Variants in CKMT1B observed in about 807,000 individuals in gnomAD.
CKMT1B encodes creatine kinase U-type, mitochondrial.
Under a neutral mutation model 21.8 loss-of-function variants are expected in CKMT1B, and 13 were observed. That is an observed-to-expected ratio of 0.60 (90% CI 0.39 to 0.95). The LOEUF is 0.95. CKMT1B is among the 40% of genes least tolerant of loss of function. The pLI is 0.00. For missense variants in CKMT1B, 157 were observed against 227.5 expected, an observed-to-expected ratio of 0.69 and a Z score of 1.99; for synonymous variants, 50 against 80.3, an observed-to-expected ratio of 0.62 and a Z score of 2.02.
intron 6 of CKMT1B, chr15:43,597,594 A>T: frequency 1.0e-6 from 1 of 979,774 alleles, no homozygotes; most frequent in Non-Finnish European, 1.3e-6. Flanking sequence ...ATTCTGCTAG[A>T]TCCCTTGTCT....
At chr15:43,597,673 T>G (rs1235935325) in intron 6 of CKMT1B, 1 of 948,112 alleles carries the variant, frequency 1.1e-6, no homozygotes, top group Non-Finnish European at 1.3e-6. Context: ...CCCCGCCCCC[T>G]ATTCCTATGA....
Position 43,598,195 on chromosome 15 carries a change from G to T in CKMT1B, c.879G>T (p.Val293=). The T allele has an allele frequency of 1.2e-6, 2 of 1,608,882 alleles. No homozygotes were observed. Among genetic ancestry groups the T allele is most frequent in the Non-Finnish European group, 1.7e-6 (2 of 1,179,704 alleles). ...FERFCRGLKE[V]ERLIQERGWE... is the part of the protein sequence containing the mutation. ...TAACAAAACCTTTGTGGACTCAGGT[G>T]GAGAGACTTATCCAAGAACGTGGCT... The change falls in exon 7 of 9, where the codon GTG becomes GTT. Residue 293 remains valine, a splice_region_variant and synonymous_variant. Transcript: ENST00000441322.
chr15:43,597,395 G>C (rs1176192556), intron 6 of CKMT1B: 18 of 1,171,288 alleles, frequency 1.5e-5, no homozygotes, highest in Non-Finnish European at 2.0e-5. Flanking sequence ...GGGATTAAGT[G>C]AAATACAGGT....
Position 43,596,356 on chromosome 15 carries a change from C to A in CKMT1B, c.753-52C>A, listed in dbSNP as rs371987094. ...TCATAAATGCTTTTTTTCCCTCTAT[C>A]TCTCCCAATTCTTGCCTTGCCTCTT... On this transcript the variant is annotated intron_variant, in intron 5 of 8. Transcript: ENST00000441322. 304 of 1,422,880 alleles carry A rather than the reference C, an allele frequency of 2.1e-4. 19 individuals carry two copies. The African/African-American group carries it at 4.0e-3, about 19-fold the overall frequency. The allele number at this position is 1,422,880 out of a possible 1,614,324, so 88.1% of individuals were successfully genotyped here. A position where few individuals can be genotyped will look rare whatever the true frequency, so the allele number is the denominator to read the frequency against.
chr15:43,597,580 C>T (rs2141509356), intron 6 of CKMT1B: 1 of 1,006,244 alleles, frequency 9.9e-7, no homozygotes, highest in Non-Finnish European at 1.3e-6. Flanking sequence ...TCTTTGTGAC[C>T]ATCATTCTGC....
At chr15:43,599,068 G>T in intron 8 of CKMT1B, 89 bp from the exon 9 acceptor site, 6 of 1,577,660 alleles carry the variant, frequency 3.8e-6, no homozygotes, top group Non-Finnish European at 5.2e-6. Flanking sequence ...GGTTGAGTGG[G>T]GAGGCAATTG....
chr15:43,598,185 G>A lies in CKMT1B; in HGVS notation c.877-8G>A, dbSNP rs1199485817. The A allele has an allele frequency of 4.4e-6, 7 of 1,608,826 alleles. No individual in the cohort carries two copies. Among genetic ancestry groups the A allele is most frequent in the Non-Finnish European group, 5.9e-6 (7 of 1,179,678 alleles). On this transcript the variant is annotated splice_polypyrimidine_tract_variant and splice_region_variant and intron_variant, in intron 6 of 8. Coordinates refer to ENST00000441322, the MANE Select transcript of CKMT1B (RefSeq NM_001375484.1). ...GATTTTTCGTTAACAAAACCTTTGT[G>A]GACTCAGGTGGAGAGACTTATCCAA...
chr15:43,599,134 G>A (rs370206328), intron 8 of CKMT1B, 23 bp from the exon 9 acceptor site: 1 of 1,613,402 alleles, frequency 6.2e-7, no homozygotes, highest in East Asian at 2.2e-5. Flanking sequence ...GTAGGAAGCA[G>A]ATCAAAGATT....
chr15:43,596,546 T>A lies in CKMT1B; in HGVS notation c.876+15T>A, dbSNP rs146365795. 6.2e-7 allele frequency: 1 copy of A among 1,608,056 alleles called. No individual in the cohort carries two copies. Among genetic ancestry groups the A allele is most frequent in the Admixed American group, 1.7e-5 (1 of 59,896 alleles). Reference sequence around the variant, plus strand: ...GCCTCAAAGAGGTTAGAGAAGACTATGTAGGGGAGCTAGGTGGGAGGACAT... The same window carrying A: ...GCCTCAAAGAGGTTAGAGAAGACTAAGTAGGGGAGCTAGGTGGGAGGACAT... On this transcript the variant is annotated intron_variant, in intron 6 of 8. Coordinates refer to ENST00000441322, the MANE Select transcript of CKMT1B (RefSeq NM_001375484.1).
At chr15:43,597,614 T>A in intron 6 of CKMT1B, 1 of 924,550 alleles carries the variant, frequency 1.1e-6, no homozygotes, top group Admixed American at 4.4e-5. Flanking sequence ...TCTTGAACTC[T>A]AATAGTCATC....
rs1211815820 is a variant in CKMT1B, at chr15:43,598,698, A to T, written c.1012-129A>T. ...AGAGAGACCCTGTCTAAAAAAAATT[A>T]AAAAAGAAAAAAGAAAAAAGGAAAA... is the stretch of plus-strand genomic sequence containing the variant. On this transcript the variant is annotated intron_variant, in intron 7 of 8. Coordinates refer to ENST00000441322, the MANE Select transcript of CKMT1B (RefSeq NM_001375484.1). The T allele has an allele frequency of 2.0e-4, 263 of 1,347,796 alleles. 6 individuals carry two copies. In the Middle Eastern group the frequency reaches 2.2e-3, roughly 11 times the overall value. 83.5% of individuals were successfully genotyped at this position (1,347,796 alleles called of 1,614,324 possible). A position where few individuals can be genotyped will look rare whatever the true frequency, so the allele number is the denominator to read the frequency against.
chr15:43,598,140 A>G (rs2085606401), intron 6 of CKMT1B, 53 bp from the exon 7 acceptor site: 2 of 1,607,094 alleles, frequency 1.2e-6, no homozygotes, highest in Admixed American at 1.7e-5. Flanking sequence ...GGGAGGGTCC[A>G]GGGTTAATGA....
Position 43,599,324 on chromosome 15 carries a change from T to A in CKMT1B, c.*51T>A. ...AGATTCCCAGGAGTTCTGCTCATTC[T>A]AATGATGGCCCATTCTACTTGCTCT... On this transcript the variant is annotated 3_prime_UTR_variant, in exon 9 of 9. Coordinates refer to ENST00000441322, the MANE Select transcript of CKMT1B (RefSeq NM_001375484.1). 1.2e-6 allele frequency: 2 copies of A among 1,613,336 alleles called. No homozygotes were observed. Among genetic ancestry groups the A allele is most frequent in the Non-Finnish European group, 1.7e-6 (2 of 1,179,604 alleles).
chr15:43,597,916 C>A, intron 6 of CKMT1B: 1 of 1,337,378 alleles, frequency 7.5e-7, no homozygotes, highest in Non-Finnish European at 9.6e-7. Flanking sequence ...TGTTCATTTC[C>A]CTAGATCATC....
rs1437752850 is a variant in CKMT1B at position 43,598,370 on chromosome 15, G to A, written c.1011+43G>A. 12 of 1,596,136 alleles carry A rather than the reference G, an allele frequency of 7.5e-6. 1 individual carries two copies. The highest frequency in any genetic ancestry group is 3.4e-5 in the South Asian group (3 of 89,228). On this transcript the variant is annotated intron_variant, in intron 7 of 8. Transcript: ENST00000441322. ...TTACAGAGGGGTGTGAGTAAGGAAG[G>A]GTGGGTTGTGGATGGGGAGGGAGTG...
At chr15:43,597,777 A>G (rs1239290013) in intron 6 of CKMT1B, 2 of 1,009,978 alleles carry the variant, frequency 2.0e-6, no homozygotes, top group Non-Finnish European at 2.4e-6. Context: ...CTTCCTGGCA[A>G]AGCTTACACC....
intron 8 of CKMT1B, 59 bp from the exon 9 acceptor site, chr15:43,599,098 G>A: frequency 5.6e-6 from 9 of 1,605,006 alleles, no homozygotes; most frequent in Non-Finnish European, 7.7e-6. Flanking sequence ...AGGCAAGTCA[G>A]TCAGTGATAA....
rs2085615776 is a variant in CKMT1B, at chr15:43,598,429, T to A, written c.1011+102T>A. 6 of 1,558,724 alleles carry A rather than the reference T, an allele frequency of 3.8e-6. 1 individual carries two copies. The highest frequency in any genetic ancestry group is 5.2e-6 in the Non-Finnish European group (6 of 1,148,764). On this transcript the variant is annotated intron_variant, in intron 7 of 8. Transcript: ENST00000441322. ...GGAAAGGAGCCAAACATGTTGTGGCTAAAGGGTCAGAGGACAGGCCAGGCA... is the reference window on the plus strand; with the variant it reads ...GGAAAGGAGCCAAACATGTTGTGGCAAAAGGGTCAGAGGACAGGCCAGGCA...
At chr15:43,597,928 T>G in intron 6 of CKMT1B, 1 of 1,367,238 alleles carries the variant, frequency 7.3e-7, no homozygotes, top group Non-Finnish European at 9.4e-7. Context: ...TAGATCATCC[T>G]TAATACACCA....
Sources: allele counts gnomAD v4.1 joint callset, GRCh38; gene constraint gnomAD v4.1.1; transcripts MANE v1.5; gene names NCBI Gene and HGNC (gene_info 2026-07-23, HGNC 2026-07-21).